Variants in FBXO11 observed in about 807,000 individuals in gnomAD.
FBXO11 encodes F-box protein 11, also known as F-box only protein 11.
Under a neutral mutation model 117.0 loss-of-function variants are expected in FBXO11, and 13 were observed. The observed-to-expected ratio is 0.11, with a 90% CI of 0.07 to 0.18. The LOEUF is 0.18. Ranked by LOEUF, FBXO11 falls within the 10% of genes least tolerant of loss-of-function variation. FBXO11 has a pLI of 1.00. For missense variants in FBXO11, 767 were observed against 1,164.4 expected (o/e 0.66, Z 4.97); for synonymous variants, 490 against 380.5 (o/e 1.29, Z -3.35).
At chr2:47,896,905 AT>A (rs1435323178) in intron 1 of FBXO11, among the ~76,000 whole-genome samples, 2 of 152,172 alleles carry the variant, frequency 1.3e-5, no homozygotes, top group East Asian at 3.8e-4. Flanking sequence ...TCCAACTTCT[AT>A]TTCTCTCAAC....
intron 1 of FBXO11, among the ~76,000 whole-genome samples, chr2:47,876,814 A>T (rs1312130017): frequency 6.6e-6 from 1 of 152,134 alleles, no homozygotes; most frequent in Non-Finnish European, 1.5e-5. Context: ...AAACCTTTTA[A>T]TCATTATCTC....
chr2:47,818,172 A>G (rs1422705915), intron 16 of FBXO11, among the ~76,000 whole-genome samples: 1 of 152,248 alleles, frequency 6.6e-6, no homozygotes, highest in Non-Finnish European at 1.5e-5. Flanking sequence ...AATGATAATG[A>G]AAAAATGAGA....
At chr2:47,894,332 G>A (rs1677490080) in intron 1 of FBXO11, among the ~76,000 whole-genome samples, 1 of 152,152 alleles carries the variant, frequency 6.6e-6, no homozygotes, top group Non-Finnish European at 1.5e-5. Context: ...ACAATAAAGG[G>A]TAGTCAAGAA....
At chr2:47,833,253 A>C (rs1185690040) in intron 7 of FBXO11, among the ~76,000 whole-genome samples, 183 bp from the exon 8 acceptor site, 1 of 152,248 alleles carries the variant, frequency 6.6e-6, no homozygotes, top group African/African-American at 2.4e-5. Flanking sequence ...ATTACTTCTA[A>C]TAACATTTAA....
intron 4 of FBXO11, among the ~76,000 whole-genome samples, chr2:47,838,380 C>A (rs1672752812): frequency 1.3e-5 from 2 of 150,604 alleles, no homozygotes; most frequent in Non-Finnish European, 2.9e-5. Flanking sequence ...ATTAACTAGG[C>A]TGTTACGAAA....
At chr2:47,861,442 C>A (rs1674767651) in intron 1 of FBXO11, among the ~76,000 whole-genome samples, 1 of 151,898 alleles carries the variant, frequency 6.6e-6, no homozygotes, top group Non-Finnish European at 1.5e-5. Flanking sequence ...CCTCAGCCTC[C>A]CAAGTAGCTG....
chr2:47,864,644 A>C (rs1675058633), intron 1 of FBXO11, among the ~76,000 whole-genome samples: 1 of 152,206 alleles, frequency 6.6e-6, no homozygotes, highest in Admixed American at 6.5e-5. Context: ...ATAAGAGACT[A>C]GATTTAATAA....
intron 1 of FBXO11, among the ~76,000 whole-genome samples, chr2:47,851,635 G>T (rs898630439): frequency 6.6e-6 from 1 of 152,170 alleles, no homozygotes; most frequent in African/African-American, 2.4e-5. Flanking sequence ...AATATAGTAA[G>T]TGCCATACCA....
At chr2:47,852,513 T>G (rs1673949304) in intron 1 of FBXO11, among the ~76,000 whole-genome samples, 1 of 152,224 alleles carries the variant, frequency 6.6e-6, no homozygotes, top group Non-Finnish European at 1.5e-5. Flanking sequence ...TAAAGTTAAG[T>G]GAAATGCTTA....
intron 1 of FBXO11, among the ~76,000 whole-genome samples, chr2:47,867,505 G>C (rs938864044): frequency 2.0e-5 from 3 of 152,314 alleles, no homozygotes; most frequent in Admixed American, 1.3e-4. Flanking sequence ...AGATGGAGGA[G>C]AGCCAAAAAT....
intron 13 of FBXO11, among the ~76,000 whole-genome samples, chr2:47,820,763 C>T (rs1349508342): frequency 6.6e-6 from 1 of 152,180 alleles, no homozygotes; most frequent in South Asian, 2.1e-4. Flanking sequence ...CTTTGTGCCT[C>T]TGTATCCTTA....
chr2:47,820,579 T>C lies in FBXO11; in HGVS notation c.1703-123A>G, dbSNP rs1032468186. On this transcript the variant is annotated intron_variant, in intron 13 of 22. Coordinates refer to ENST00000403359, the MANE Select transcript of FBXO11 (RefSeq NM_001190274.2). Reference sequence around the variant, plus strand: ...TTTTAGTGACCATTACAAGACAAAATTAAGAGAACTAGAAGTGTAAATAGA... The same window carrying C: ...TTTTAGTGACCATTACAAGACAAAACTAAGAGAACTAGAAGTGTAAATAGA... 20 of 660,618 alleles carry C rather than the reference T, an allele frequency of 3.0e-5. No homozygotes were observed. The African/African-American group carries it at 3.4e-4, about 11-fold the overall frequency. The allele number at this position is 660,618 out of a possible 1,614,324, so 40.9% of individuals were successfully genotyped here. A position where few individuals can be genotyped will look rare whatever the true frequency, so the allele number is the denominator to read the frequency against.
At chr2:47,901,083 G>T (rs1313512716) in intron 1 of FBXO11, among the ~76,000 whole-genome samples, 1 of 124,330 alleles carries the variant, frequency 8.0e-6, no homozygotes, top group Non-Finnish European at 1.7e-5. Context: ...ACACACGTGT[G>T]TACATATATA....
At chr2:47,881,532 AT>A (rs1284314042) in intron 1 of FBXO11, among the ~76,000 whole-genome samples, 2 of 152,042 alleles carry the variant, frequency 1.3e-5, no homozygotes, top group African/African-American at 4.8e-5. Context: ...AACTAATAGC[AT>A]TATCTTTAGT....
chr2:47,870,209 C>T (rs1335102691), intron 1 of FBXO11, among the ~76,000 whole-genome samples: 1 of 152,204 alleles, frequency 6.6e-6, no homozygotes, highest in Non-Finnish European at 1.5e-5. Flanking sequence ...AACCCTAATA[C>T]ACATGGATTT....
At chr2:47,839,129 G>A in intron 3 of FBXO11, 126 bp from the exon 4 acceptor site, 2 of 970,074 alleles carry the variant, frequency 2.1e-6, no homozygotes, top group South Asian at 1.9e-5. Flanking sequence ...TTATAAGCAT[G>A]TGGGTTTCAT....
chr2:47,812,985 G>A, intron 18 of FBXO11: 1 of 488,522 alleles, frequency 2.0e-6, no homozygotes, highest in South Asian at 2.2e-5. Context: ...TCCAGAGAAT[G>A]TAAACAAATT....
At chr2:47,843,234 A>G (rs1174186491) in intron 1 of FBXO11, among the ~76,000 whole-genome samples, 1 of 152,218 alleles carries the variant, frequency 6.6e-6, no homozygotes, top group Non-Finnish European at 1.5e-5. Flanking sequence ...TAAACGTCCT[A>G]TGTGTGCTTG....
intron 11 of FBXO11, among the ~76,000 whole-genome samples, chr2:47,831,277 G>T (rs1329784464): frequency 6.6e-6 from 1 of 151,574 alleles, no homozygotes; most frequent in African/African-American, 2.4e-5. Flanking sequence ...TTAGGCAGGC[G>T]TGGTGGTGCA....
Sources: allele counts gnomAD v4.1 joint callset (sites outside exome capture counted in the v4.1 genomes callset), GRCh38; gene constraint gnomAD v4.1.1; transcripts MANE v1.5; gene names NCBI Gene and HGNC (gene_info 2026-07-23, HGNC 2026-07-21).